CYP4X1: variants seen among roughly 807,000 people sequenced by gnomAD.
CYP4X1 encodes cytochrome P450 4X1.
CYP4X1 carries 44 observed loss-of-function variants against 57.9 expected under a neutral mutation model. The observed-to-expected ratio is 0.76, with a 90% confidence interval of 0.60 to 0.98. The LOEUF (loss-of-function observed/expected upper bound fraction) is 0.98. Among genes scored for constraint, CYP4X1 ranks in the 50% least tolerant of loss-of-function variants. CYP4X1 has a pLI of 0.00. For synonymous variants in CYP4X1, 227 were observed against 228.6 expected (o/e 0.99, Z 0.06); for missense variants, 532 against 623.9 (o/e 0.85, Z 1.57).
the CYP4X1 span, among the ~76,000 whole-genome samples, chr1:46,982,189 C>T: frequency 6.6e-6 from 1 of 152,114 alleles, no homozygotes; most frequent in South Asian, 2.1e-4. Flanking sequence ...GTTTTTTCAG[C>T]TCTATTAGCT....
chr1:46,964,064 G>A, the CYP4X1 span, among the ~76,000 whole-genome samples: 6 of 152,112 alleles, frequency 3.9e-5, no homozygotes, highest in South Asian at 2.1e-4. Flanking sequence ...CATTCATCAC[G>A]TAGTTCTCGT....
chr1:47,033,212 A>G (rs1457401025), intron 3 of CYP4X1, 29 bp from the exon 4 acceptor site: 5 of 1,607,638 alleles, frequency 3.1e-6, no homozygotes, highest in Non-Finnish European at 4.2e-6. Flanking sequence ...ATTAAATGGC[A>G]TAAGGTTTTC....
the CYP4X1 span, among the ~76,000 whole-genome samples, chr1:46,989,155 A>T: frequency 1.3e-5 from 2 of 152,124 alleles, no homozygotes; most frequent in African/African-American, 2.4e-5. Context: ...AAACCCCATC[A>T]TCTCAGTCCA....
the CYP4X1 span, among the ~76,000 whole-genome samples, chr1:46,975,990 T>C: frequency 1.3e-5 from 2 of 152,132 alleles, no homozygotes; most frequent in African/African-American, 4.8e-5. Flanking sequence ...CCAAGATGGC[T>C]AAATAGTAAC....
chr1:47,017,193 A>G, the CYP4X1 span, among the ~76,000 whole-genome samples: 1 of 152,258 alleles, frequency 6.6e-6, no homozygotes, highest in African/African-American at 2.4e-5. Context: ...TGATATACTG[A>G]TTTCCTTTCT....
At chr1:46,984,686 C>T in the CYP4X1 span, among the ~76,000 whole-genome samples, 501 of 152,272 alleles carry the variant, frequency 3.3e-3, 2 homozygotes, top group Non-Finnish European at 5.2e-3. Flanking sequence ...CCAGATACTA[C>T]GCTTTTCCCA....
chr1:46,988,833 C>A, the CYP4X1 span, among the ~76,000 whole-genome samples: 1 of 152,020 alleles, frequency 6.6e-6, no homozygotes, highest in African/African-American at 2.4e-5. Flanking sequence ...CAGAAAAAGG[C>A]CTTCAATAAA....
intron 10 of CYP4X1, 101 bp downstream of exon 10, chr1:47,048,730 G>C: frequency 8.8e-7 from 1 of 1,136,060 alleles, no homozygotes; most frequent in Non-Finnish European, 1.3e-6. Context: ...TAAGGGAAAT[G>C]ACACAAATTA....
chr1:46,980,360 A>G, the CYP4X1 span, among the ~76,000 whole-genome samples: 4 of 152,302 alleles, frequency 2.6e-5, no homozygotes, highest in African/African-American at 7.2e-5. Context: ...CAAATCATGA[A>G]TGAACTCCCA....
chr1:47,006,093 A>C, the CYP4X1 span, among the ~76,000 whole-genome samples: 2 of 152,244 alleles, frequency 1.3e-5, no homozygotes, highest in Non-Finnish European at 2.9e-5. Flanking sequence ...TAAACTGTTA[A>C]AAGTGAAAGA....
rs1340019837 is a variant in CYP4X1, at chr1:47,050,370, A to G, written c.*196A>G. 1 of 544,994 alleles carries G rather than the reference A, an allele frequency of 1.8e-6. No homozygotes were observed. Among genetic ancestry groups the G allele is most frequent in the East Asian group, 3.3e-5 (1 of 30,516 alleles). 33.8% of individuals were successfully genotyped at this position (544,994 alleles called of 1,614,324 possible). ...AGATCTGTTTCTATATAACTTTGGG[A>G]GATTTTCAGATCTTTTCTGTTAAAC... On this transcript the variant is annotated 3_prime_UTR_variant, in exon 12 of 12. Transcript: ENST00000371901.
At position 47,050,201 on chromosome 1, in the gene CYP4X1, C is replaced by T. The variant is rs373836822; in HGVS notation, c.*27C>T. On this transcript the variant is annotated 3_prime_UTR_variant, in exon 12 of 12. Coordinates refer to ENST00000371901, the MANE Select transcript of CYP4X1 (RefSeq NM_178033.2). The stretch of plus-strand genomic sequence containing the variant: ...TCTCAGGGTACAATGATTAAACGTA[C>T]TTTGTTTTTCGAAGTTAAATTTACA... 1 of 1,611,128 alleles carries T rather than the reference C, an allele frequency of 6.2e-7. No individual in the cohort carries two copies. The highest frequency in any genetic ancestry group is 1.3e-5 in the African/African-American group (1 of 74,696).
chr1:47,018,669 G>A (rs116395309), upstream of CYP4X1, among the ~76,000 whole-genome samples: 652 of 152,252 alleles, frequency 4.3e-3, 4 homozygotes, highest in African/African-American at 0.015. Context: ...TGTAACAGCA[G>A]CACATATAAA....
chr1:47,007,771 C>T, the CYP4X1 span, among the ~76,000 whole-genome samples: 127 of 152,246 alleles, frequency 8.3e-4, no homozygotes, highest in African/African-American at 2.6e-3. Flanking sequence ...ACGAGAACTA[C>T]GTGATGAATG....
At chr1:47,034,056 C>G (rs1644152249) in intron 4 of CYP4X1, among the ~76,000 whole-genome samples, 2 of 152,164 alleles carry the variant, frequency 1.3e-5, no homozygotes, top group Admixed American at 6.5e-5. Context: ...CACAAGGTGA[C>G]AGGTAAGGAT....
chr1:46,999,032 G>A, the CYP4X1 span, among the ~76,000 whole-genome samples: 1 of 139,940 alleles, frequency 7.1e-6, no homozygotes, highest in Non-Finnish European at 1.6e-5. Context: ...TTCTTTGTGT[G>A]TGTGTGTGTG....
the CYP4X1 span, among the ~76,000 whole-genome samples, chr1:46,988,458 A>G: frequency 1.3e-5 from 2 of 152,188 alleles, no homozygotes; most frequent in Non-Finnish European, 2.9e-5. Context: ...CCAGAGGTAC[A>G]AACAGGAATG....
the CYP4X1 span, among the ~76,000 whole-genome samples, chr1:46,970,256 G>T: frequency 6.6e-6 from 1 of 152,184 alleles, no homozygotes; most frequent in African/African-American, 2.4e-5. Context: ...GAAAACACTA[G>T]GATACAGTGA....
chr1:47,050,240 G>A lies in CYP4X1; in HGVS notation c.*66G>A. ...GTTAAATTTACAGCTAATGATCCAAGCAGATAGAAAGGGATCAATGTATGG... is the reference window on the plus strand; with the variant it reads ...GTTAAATTTACAGCTAATGATCCAAACAGATAGAAAGGGATCAATGTATGG... On this transcript the variant is annotated 3_prime_UTR_variant, in exon 12 of 12. Coordinates refer to ENST00000371901, the MANE Select transcript of CYP4X1 (RefSeq NM_178033.2). 2.6e-6 allele frequency: 4 copies of A among 1,566,768 alleles called. No homozygotes were observed. In the South Asian group the frequency reaches 3.5e-5, roughly 14 times the overall value.
Sources: gnomAD v4.1 joint callset for allele counts (sites outside exome capture counted in the v4.1 genomes callset) on GRCh38, gnomAD v4.1.1 for gene constraint, MANE v1.5 for transcripts, NCBI Gene and HGNC (gene_info 2026-07-23, HGNC 2026-07-21) for gene names.